CCDC163: variants seen among roughly 807,000 people sequenced by gnomAD.
CCDC163 encodes the protein transmembrane protein CCDC163.
In CCDC163, 13 loss-of-function variants were observed where a neutral mutation model predicts 8.2. The observed-to-expected ratio is 1.59, with a 90% CI of 1.04 to 2.54. The LOEUF (loss-of-function observed/expected upper bound fraction) is 2.54, where lower values mean the gene tolerates loss of function less well. Ranked by LOEUF, CCDC163 falls within the 30% of genes most tolerant of loss-of-function variation. CCDC163 has a pLI of 0.00. For missense variants in CCDC163, 117 were observed against 78.6 expected, an observed-to-expected ratio of 1.49 and a Z score of -1.85; for synonymous variants, 41 against 30.9, an observed-to-expected ratio of 1.33 and a Z score of -1.08.
At chr1:45,499,068 A>G (rs1643456272) in intron 2 of CCDC163, among the ~76,000 whole-genome samples, 1 of 152,346 alleles carries the variant, frequency 6.6e-6, no homozygotes, top group African/African-American at 2.4e-5. Flanking sequence ...TCTAGGACTC[A>G]GGGCAGCTCA....
Position 45,499,679 on chromosome 1 carries a change from A to AC in CCDC163, c.-71dup. The AC allele has an allele frequency of 1.4e-6, 1 of 710,994 alleles. No individual in the cohort carries two copies. Among genetic ancestry groups the AC allele is most frequent in the Non-Finnish European group, 2.6e-6 (1 of 382,010 alleles). 44.0% of individuals were successfully genotyped at this position (710,994 alleles called of 1,614,324 possible). A position where few individuals can be genotyped will look rare whatever the true frequency, so the allele number is the denominator to read the frequency against. On this transcript the variant is annotated 5_prime_UTR_variant, in exon 1 of 5. Coordinates refer to ENST00000629482, the MANE Select transcript of CCDC163 (RefSeq NM_001102601.3). ...TGTGCTTGCTCTCCTAGCGGGGGAT[A>AC]CCCAAGGTATCCCCAGGAAAGGCCA...
In CCDC163 at chr1:45,499,773, A is replaced by G; in HGVS notation, c.-164T>C. On this transcript the variant is annotated 5_prime_UTR_variant, in exon 1 of 5. Transcript: ENST00000629482. ...TAGGTGGATGCACTATCAGACCAAA[A>G]CTGCGATCCTGTGACTAGGGAAAGG... 1 of 609,196 alleles carries G rather than the reference A, an allele frequency of 1.6e-6. No homozygotes were observed. Among genetic ancestry groups the G allele is most frequent in the Non-Finnish European group, 2.9e-6 (1 of 339,644 alleles). The allele number at this position is 609,196 out of a possible 1,614,324, so 37.7% of individuals were successfully genotyped here.
Position 45,494,740 on chromosome 1 carries a change from T to G in CCDC163, c.*319A>C, listed in dbSNP as rs1653938382. On this transcript the variant is annotated 3_prime_UTR_variant, in exon 5 of 5. Coordinates refer to ENST00000629482, the MANE Select transcript of CCDC163 (RefSeq NM_001102601.3). ...GGGAGGGCGAGGCGGGCAGATCACT[T>G]GAGGTCAGAAGTTCAAGACCAGACT... The G allele has an allele frequency of 3.2e-6, 1 of 310,614 alleles. No homozygotes were observed. 19.2% of individuals were successfully genotyped at this position (310,614 alleles called of 1,614,324 possible). A position where few individuals can be genotyped will look rare whatever the true frequency, so the allele number is the denominator to read the frequency against.
Position 45,499,764 on chromosome 1 carries a change from C to A in CCDC163, c.-155G>T. On this transcript the variant is annotated 5_prime_UTR_variant, in exon 1 of 5. Coordinates refer to ENST00000629482, the MANE Select transcript of CCDC163 (RefSeq NM_001102601.3). ...ACACTGGGGTAGGTGGATGCACTAT[C>A]AGACCAAAACTGCGATCCTGTGACT... 1.6e-6 allele frequency: 1 copy of A among 614,476 alleles called. No homozygotes were observed. Among genetic ancestry groups the A allele is most frequent in the Admixed American group, 2.9e-5 (1 of 34,400 alleles). The allele number at this position is 614,476 out of a possible 1,614,324, so 38.1% of individuals were successfully genotyped here.
rs951532042 is a variant in CCDC163, at chr1:45,497,901, C to T, written c.178-518G>A. Among the ~76,000 whole-genome samples the T allele has an allele frequency of 4.1e-5, 6 of 144,888 alleles. No homozygotes were observed. In the East Asian group the frequency reaches 6.3e-4, roughly 15 times the overall value. On this transcript the variant is annotated intron_variant, in intron 2 of 4. Transcript: ENST00000629482. ...GGTGTGCCCAACAGCTCATTGAGAA[C>T]GGGCCAGGATGACAATGGCGGCTTT... is the stretch of plus-strand genomic sequence containing the variant.
At position 45,499,602 on chromosome 1, in the gene CCDC163, G is replaced by C. The variant is rs1159102657; in HGVS notation, c.8C>G (p.Thr3Arg). The C allele has an allele frequency of 5.2e-6, 4 of 770,708 alleles. No homozygotes were observed. The highest frequency in any genetic ancestry group is 4.9e-5 in the East Asian group (2 of 40,918). The allele number at this position is 770,708 out of a possible 1,614,324, so 47.7% of individuals were successfully genotyped here. Residue 3 changes from threonine to arginine, a missense_variant, in exon 1 of 5, where the codon ACG (threonine) becomes AGG (arginine). Thr to Arg is a moderately conservative substitution (Grantham distance 71). Coordinates refer to ENST00000629482, the MANE Select transcript of CCDC163 (RefSeq NM_001102601.3). The stretch of plus-strand genomic sequence containing the variant: ...CAGCTGCTCAAACCAGCTGAGGCTC[G>C]TATTCATATCCTGTGGCAGGGGAGC... The part of the protein sequence containing the change: MN[T>R]SLSWFEQLDV...
intron 2 of CCDC163, among the ~76,000 whole-genome samples, chr1:45,497,681 G>GC (rs1352830605): frequency 5.1e-4 from 16 of 31,186 alleles, no homozygotes; most frequent in South Asian, 1.1e-3. Flanking sequence ...TCTCCGCCCG[G>GC]CAGCCACCCC....
In CCDC163 at chr1:45,499,675, G is replaced by T. The variant is rs541561405; in HGVS notation, c.-66C>A. 6 of 712,846 alleles carry T rather than the reference G, an allele frequency of 8.4e-6. No individual in the cohort carries two copies. In the East Asian group the frequency reaches 1.1e-4, roughly 13 times the overall value. The allele number at this position is 712,846 out of a possible 1,614,324, so 44.2% of individuals were successfully genotyped here. A position where few individuals can be genotyped will look rare whatever the true frequency, so the allele number is the denominator to read the frequency against. ...GTCTTGTGCTTGCTCTCCTAGCGGG[G>T]GATACCCAAGGTATCCCCAGGAAAG... On this transcript the variant is annotated 5_prime_UTR_variant, in exon 1 of 5. Transcript: ENST00000629482.
rs41269111 is a variant in CCDC163 at position 45,495,163 on chromosome 1, G to A, written c.334C>T (p.Pro112Ser). 3,724 of 780,776 alleles carry A rather than the reference G, an allele frequency of 4.8e-3. 42 individuals are homozygous for A. Among genetic ancestry groups the A allele is most frequent in the East Asian group, 0.029 (1,194 of 41,238 alleles). The allele number at this position is 780,776 out of a possible 1,614,324, so 48.4% of individuals were successfully genotyped here. Residue 112 changes from proline (P) to serine (S), a missense_variant, in exon 5 of 5, where the codon CCC becomes TCC. Coordinates refer to ENST00000629482, the MANE Select transcript of CCDC163 (RefSeq NM_001102601.3). ...RQAQVGSWKI[P>S]RGAPFLTWSP... ...CAGGTTAGAAAGGGTGCTCCTCTGG[G>A]GATCTAAGAGGAAAGAAAAGGGAAG... is the stretch of plus-strand genomic sequence containing the variant.
At position 45,499,834 on chromosome 1, in the gene CCDC163, T is replaced by C; in HGVS notation, c.-225A>G. The C allele has an allele frequency of 5.2e-6, 3 of 573,764 alleles. No individual in the cohort carries two copies. The highest frequency in any genetic ancestry group is 4.0e-5 in the South Asian group (2 of 50,170). The allele number at this position is 573,764 out of a possible 1,614,324, so 35.5% of individuals were successfully genotyped here. On this transcript the variant is annotated 5_prime_UTR_variant, in exon 1 of 5. Transcript: ENST00000629482. ...TTGGGGAACTGGGGGAAAAGCGGGATACCGTGATGATACGCAGATATCAGG... is the reference window on the plus strand; with the variant it reads ...TTGGGGAACTGGGGGAAAAGCGGGACACCGTGATGATACGCAGATATCAGG...
At chr1:45,495,674 T>C in intron 4 of CCDC163, 1 of 240,236 alleles carries the variant, frequency 4.2e-6, no homozygotes, top group East Asian at 1.4e-4. Flanking sequence ...TTTTTTTTTT[T>C]TTTTTTTTTT....
At chr1:45,498,213 A>C (rs1025766015) in intron 2 of CCDC163, among the ~76,000 whole-genome samples, 2 of 151,796 alleles carry the variant, frequency 1.3e-5, no homozygotes, top group Non-Finnish European at 2.9e-5. Context: ...ACCACTCCCT[A>C]ATCTCAAGTA....
chr1:45,499,453 A>C lies in CCDC163; in HGVS notation c.79-10T>G, dbSNP rs369501552. ...GAGGATACAGCCACTGCTACAAAAG[A>C]AACAGATGCACAGGCCAATGAACTC... On this transcript the variant is annotated splice_polypyrimidine_tract_variant and intron_variant, in intron 1 of 4. Transcript: ENST00000629482. The C allele has an allele frequency of 1.4e-4, 111 of 778,750 alleles. No homozygotes were observed. Among genetic ancestry groups the C allele is most frequent in the Non-Finnish European group, 2.1e-4 (88 of 417,078 alleles). 48.2% of individuals were successfully genotyped at this position (778,750 alleles called of 1,614,324 possible).
intron 3 of CCDC163, 104 bp from the exon 4 acceptor site, chr1:45,496,727 G>A (rs1570801158): frequency 1.5e-6 from 1 of 671,598 alleles, no homozygotes; most frequent in Non-Finnish European, 2.7e-6. Flanking sequence ...GAAACATTCT[G>A]GCTCAGCCAT....
In CCDC163 at chr1:45,494,463, CAAAAA is replaced by C. The variant is rs57092651; in HGVS notation, c.*591_*595del. On this transcript the variant is annotated 3_prime_UTR_variant, in exon 5 of 5. Coordinates refer to ENST00000629482, the MANE Select transcript of CCDC163 (RefSeq NM_001102601.3). The stretch of plus-strand genomic sequence containing the variant: ...TGGGCAACTGAGTAAGACCTTGCCT[CAAAAA>C]AAAAAAAAAAAAAGGCAGAAGCTGG... The C allele has an allele frequency of 6.9e-5, 7 of 101,162 alleles. No homozygotes were observed. The highest frequency in any genetic ancestry group is 6.2e-5 in the Non-Finnish European group (3 of 48,060). The allele number at this position is 101,162 out of a possible 1,614,324, so 6.3% of individuals were successfully genotyped here.
In CCDC163 at chr1:45,495,090, G is replaced by A. The variant is rs573251791; in HGVS notation, c.407C>T (p.Thr136Ile). ...GCATTTTGGGGCCCCAAAGGAATAG[G>A]TCCTCTTGCTTAAGACTCTGGGCAT... The part of the protein sequence containing the change: ...SSMPRVLSKR[T>I]YSFGAPKCS Residue 136 changes from threonine (T) to isoleucine (I), a missense_variant, in exon 5 of 5, where the codon ACC (threonine) becomes ATC (isoleucine). Transcript: ENST00000629482. 5.1e-6 allele frequency: 4 copies of A among 780,862 alleles called. No individual in the cohort carries two copies. Among genetic ancestry groups the A allele is most frequent in the African/African-American group, 5.1e-5 (3 of 59,248 alleles). 48.4% of individuals were successfully genotyped at this position (780,862 alleles called of 1,614,324 possible).
intron 2 of CCDC163, among the ~76,000 whole-genome samples, chr1:45,498,278 G>T (rs1363600474): frequency 6.6e-6 from 1 of 150,768 alleles, no homozygotes; most frequent in Non-Finnish European, 1.5e-5. Context: ...AGGAAAACCA[G>T]AGACCTTTGT....
chr1:45,496,533 G>T, intron 4 of CCDC163, 23 bp downstream of exon 4: 1 of 779,502 alleles, frequency 1.3e-6, no homozygotes, highest in Non-Finnish European at 2.4e-6. Flanking sequence ...AATATGCAGA[G>T]ACAAGTCTGA....
In CCDC163 at chr1:45,499,441, C is replaced by T. The variant is rs763735331; in HGVS notation, c.81G>A (p.Gln27=). Residue 27 remains glutamine (Q), a splice_region_variant and synonymous_variant, in exon 2 of 5, where the codon CAG becomes CAA. Transcript: ENST00000629482. Reference sequence around the variant, plus strand: ...TGGAGACCCCAAGAGGATACAGCCACTGCTACAAAAGAAACAGATGCACAG... The same window carrying T: ...TGGAGACCCCAAGAGGATACAGCCATTGCTACAAAAGAAACAGATGCACAG... ...ATDGNVVRNK[Q]WLYPLGVSTE... is the part of the protein sequence containing the mutation. The T allele has an allele frequency of 1.3e-6, 1 of 778,932 alleles. No homozygotes were observed. The highest frequency in any genetic ancestry group is 2.4e-6 in the Non-Finnish European group (1 of 417,174). The allele number at this position is 778,932 out of a possible 1,614,324, so 48.3% of individuals were successfully genotyped here.
Sources: gnomAD v4.1 joint callset for allele counts (sites outside exome capture counted in the v4.1 genomes callset) on GRCh38, gnomAD v4.1.1 for gene constraint, MANE v1.5 for transcripts, NCBI Gene and HGNC (gene_info 2026-07-23, HGNC 2026-07-21) for gene names.